The following ZBTB46 variants were observed in gnomAD, a reference collection of about 807,000 sequenced individuals.
ZBTB46 encodes zinc finger and BTB domain containing 46, also known as zinc finger and BTB domain-containing protein 46.
ZBTB46 carries 8 observed loss-of-function variants against 44.1 expected under a neutral mutation model. The observed-to-expected ratio is 0.18, with a 90% CI of 0.11 to 0.33. The LOEUF is 0.33. ZBTB46 is among the 10% of genes least tolerant of loss of function. The pLI, the probability that ZBTB46 is intolerant of heterozygous loss-of-function variation, is 1.00. For missense variants in ZBTB46, 651 were observed against 847.7 expected (o/e 0.77, Z 2.88); for synonymous variants, 409 against 382.3 (o/e 1.07, Z -0.81).
intron 3 of ZBTB46, among the ~76,000 whole-genome samples, chr20:63,760,150 TTCC>T: frequency 6.6e-6 from 1 of 152,360 alleles, no homozygotes; most frequent in African/African-American, 2.4e-5. Context: ...CTGGAGACTG[TTCC>T]TTTCTTCTAG....
At chr20:63,774,571 T>A (rs1395270410) in intron 3 of ZBTB46, among the ~76,000 whole-genome samples, 1 of 152,020 alleles carries the variant, frequency 6.6e-6, no homozygotes, top group Non-Finnish European at 1.5e-5. Flanking sequence ...GGCGCCTCAC[T>A]CACTCTCAGC....
At chr20:63,774,340 G>C (rs1017901186) in intron 3 of ZBTB46, among the ~76,000 whole-genome samples, 1 of 152,222 alleles carries the variant, frequency 6.6e-6, no homozygotes, top group Non-Finnish European at 1.5e-5. Flanking sequence ...TGAAAACAAA[G>C]TTGTAAAAAT....
At chr20:63,824,163 G>A (rs1488338092) in intron 1 of ZBTB46, among the ~76,000 whole-genome samples, 2 of 152,050 alleles carry the variant, frequency 1.3e-5, no homozygotes, top group Non-Finnish European at 2.9e-5. Flanking sequence ...CGGCCTCCCT[G>A]AAGCATGGGA....
At chr20:63,811,283 C>T (rs974791097) in intron 1 of ZBTB46, among the ~76,000 whole-genome samples, 15 of 152,198 alleles carry the variant, frequency 9.9e-5, no homozygotes, top group Non-Finnish European at 1.6e-4. Flanking sequence ...GGACAAGATG[C>T]GAGCCACCAG....
intron 1 of ZBTB46, among the ~76,000 whole-genome samples, chr20:63,823,242 C>G (rs1199921219): frequency 6.6e-6 from 1 of 151,946 alleles, no homozygotes; most frequent in Non-Finnish European, 1.5e-5. Context: ...CATCCCGGTA[C>G]TTTGGGGGTT....
At position 63,790,253 on chromosome 20, in the gene ZBTB46, G is replaced by A. The variant is rs1417182909; in HGVS notation, c.505C>T (p.Pro169Ser). Residue 169 changes from proline (P) to serine (S), a missense_variant, in exon 2 of 5, where the codon CCG (proline) becomes TCG (serine). Coordinates refer to ENST00000245663, the MANE Select transcript of ZBTB46 (RefSeq NM_001369741.1). ...GGACTCGTTCGCCGTGCCAGCCACG[G>A]GGAGATGCTCCTCCCAGCCATCACG... ...SAVMAGRSIS[P>S]WLARRTSPAN... The A allele has an allele frequency of 8.7e-6, 14 of 1,611,906 alleles. No individual in the cohort carries two copies. The highest frequency in any genetic ancestry group is 1.2e-5 in the Non-Finnish European group (14 of 1,179,446).
intron 2 of ZBTB46, 150 bp from the exon 3 acceptor site, chr20:63,776,112 G>T: frequency 1.9e-6 from 2 of 1,033,456 alleles, no homozygotes; most frequent in Non-Finnish European, 2.7e-6. Flanking sequence ...CCGGGCACCT[G>T]CCCCAGCAAT....
At chr20:63,795,051 CGCG>C (rs2145950240) in intron 1 of ZBTB46, among the ~76,000 whole-genome samples, 1 of 152,324 alleles carries the variant, frequency 6.6e-6, no homozygotes, top group Non-Finnish European at 1.5e-5. Flanking sequence ...AAGGGGCACC[CGCG>C]GCTGCACTGA....
At chr20:63,826,479 T>C (rs905846502) in intron 1 of ZBTB46, among the ~76,000 whole-genome samples, 1 of 151,872 alleles carries the variant, frequency 6.6e-6, no homozygotes, top group Admixed American at 6.6e-5. Flanking sequence ...TCCCAGCACT[T>C]TGGGAGGCCG....
At position 63,793,639 on chromosome 20, in the gene ZBTB46, A is replaced by G. The variant is rs756960991; in HGVS notation, c.-33-2849T>C. On this transcript the variant is annotated intron_variant, in intron 1 of 4. Transcript: ENST00000245663. Reference sequence around the variant, plus strand: ...AATTAAGGAGAACTATGAAAACAACAACAAAAAAAATGCCAGAGATTTTAT... The same window carrying G: ...AATTAAGGAGAACTATGAAAACAACGACAAAAAAAATGCCAGAGATTTTAT... Among the ~76,000 whole-genome samples the G allele has an allele frequency of 6.2e-5, 5 of 81,154 alleles. No individual in the cohort carries two copies. In the East Asian group the frequency reaches 1.2e-3, roughly 19 times the overall value. The allele number at this position is 81,154 out of a possible 152,430, so 53.2% of individuals were successfully genotyped here.
At position 63,752,150 on chromosome 20, in the gene ZBTB46, C is replaced by T. The variant is rs895365349; in HGVS notation, c.1398+536G>A. ...ACCCGCCTCACTGGTTGATCTCACC[C>T]ACTTGAGATGCCCTCGCCAGGCCTT... On this transcript the variant is annotated intron_variant, in intron 4 of 4. Transcript: ENST00000245663. The surrounding 1 kb of genome is among the most constrained non-coding windows in gnomAD (Gnocchi z 5.6). Among the ~76,000 whole-genome samples the T allele has an allele frequency of 2.6e-5, 4 of 152,174 alleles. No individual in the cohort carries two copies. The highest frequency in any genetic ancestry group is 9.7e-5 in the African/African-American group (4 of 41,442).
chr20:63,757,540 G>A (rs530032442), intron 3 of ZBTB46, among the ~76,000 whole-genome samples: 1 of 152,236 alleles, frequency 6.6e-6, no homozygotes, highest in Non-Finnish European at 1.5e-5. Flanking sequence ...GGGCCCTGGC[G>A]GCGTGTCTAC....
intron 3 of ZBTB46, among the ~76,000 whole-genome samples, chr20:63,766,684 T>C (rs757333095): frequency 7.2e-5 from 11 of 152,174 alleles, no homozygotes; most frequent in Non-Finnish European, 1.3e-4. Context: ...GCGGTCACCT[T>C]TGGTAAAATG....
upstream of ZBTB46, among the ~76,000 whole-genome samples, chr20:63,832,556 G>A (rs983145505): frequency 6.6e-6 from 1 of 152,208 alleles, no homozygotes; most frequent in African/African-American, 2.4e-5. This position sits in a 1 kb window ranked among gnomAD's most constrained non-coding sequence, Gnocchi z 5.0. Context: ...CTCCATGAGT[G>A]AGCAAAGGCG....
intron 2 of ZBTB46, among the ~76,000 whole-genome samples, chr20:63,786,156 C>G (rs1277888273): frequency 6.6e-6 from 1 of 152,184 alleles, no homozygotes; most frequent in Non-Finnish European, 1.5e-5. Context: ...ATAAACCCCC[C>G]AAAGCCGTGT....
intron 2 of ZBTB46, among the ~76,000 whole-genome samples, chr20:63,777,700 G>A (rs1035126423): frequency 1.3e-5 from 2 of 152,148 alleles, no homozygotes; most frequent in African/African-American, 2.4e-5. Context: ...TCCAGGACGC[G>A]CGTAGCACGT....
intron 3 of ZBTB46, among the ~76,000 whole-genome samples, chr20:63,770,807 C>T (rs921234614): frequency 2.6e-5 from 4 of 152,316 alleles, no homozygotes; most frequent in South Asian, 2.1e-4. Flanking sequence ...CAGTGAGGAC[C>T]GCCGTGTCCC....
intron 1 of ZBTB46, among the ~76,000 whole-genome samples, chr20:63,819,344 T>G (rs974542390): frequency 2.0e-5 from 3 of 152,160 alleles, no homozygotes; most frequent in Admixed American, 1.3e-4. Context: ...CTTTGCTCCC[T>G]CCAGGAGCGC....
At chr20:63,784,464 A>ACTCCTGTAG (rs1450719399) in intron 2 of ZBTB46, among the ~76,000 whole-genome samples, 3 of 152,224 alleles carry the variant, frequency 2.0e-5, no homozygotes, top group Non-Finnish European at 4.4e-5. Context: ...CACAGAACAC[A>ACTCCTGTAG]CAGATCCTCC....
Sources: allele counts gnomAD v4.1 joint callset (sites outside exome capture counted in the v4.1 genomes callset), GRCh38; gene constraint gnomAD v4.1.1; non-coding constraint Gnocchi (gnomAD v3.1); transcripts MANE v1.5; gene names NCBI Gene and HGNC (gene_info 2026-07-23, HGNC 2026-07-21).